FAM222B: variants seen among roughly 807,000 people sequenced by gnomAD.
FAM222B encodes protein FAM222B.
FAM222B carries 12 observed loss-of-function variants against 38.0 expected under a neutral mutation model. The observed-to-expected ratio is 0.32, with a 90% CI of 0.20 to 0.51. The LOEUF (loss-of-function observed/expected upper bound fraction) is 0.51. Among genes scored for constraint, FAM222B ranks in the 20% least tolerant of loss-of-function variants. FAM222B has a pLI of 0.97. For missense variants in FAM222B, 716 were observed against 754.2 expected (o/e 0.95, Z 0.59); for synonymous variants, 329 against 317.2 (o/e 1.04, Z -0.40).
chr17:28,781,959 A>C (rs2036184553), intron 1 of FAM222B, among the ~76,000 whole-genome samples: 2 of 152,140 alleles, frequency 1.3e-5, no homozygotes, highest in Admixed American at 1.3e-4. Flanking sequence ...AGTTAATAAC[A>C]ATGTTTTGTT....
chr17:28,829,733 G>A (rs1276745913), intron 1 of FAM222B, among the ~76,000 whole-genome samples: 1 of 152,118 alleles, frequency 6.6e-6, no homozygotes, highest in Non-Finnish European at 1.5e-5. Context: ...AGTCATTCAG[G>A]TTGTTTCCAG....
intron 1 of FAM222B, among the ~76,000 whole-genome samples, chr17:28,789,198 TC>T (rs1417719881): frequency 6.8e-6 from 1 of 147,784 alleles, no homozygotes; most frequent in Non-Finnish European, 1.5e-5. Flanking sequence ...TCATTCTGTG[TC>T]CTTTTTTTTT....
intron 1 of FAM222B, among the ~76,000 whole-genome samples, chr17:28,823,184 A>C (rs573807502): frequency 5.7e-4 from 87 of 152,006 alleles, no homozygotes; most frequent in Admixed American, 2.0e-3. Context: ...AAAATGATCA[A>C]ATGTTTCTTC....
intron 1 of FAM222B, among the ~76,000 whole-genome samples, chr17:28,791,411 T>G (rs1280768286): frequency 2.0e-5 from 3 of 152,020 alleles, no homozygotes; most frequent in Non-Finnish European, 2.9e-5. Flanking sequence ...AACTTCCAAT[T>G]TCTTCTCAAC....
At chr17:28,782,933 C>T (rs1380530702) in intron 1 of FAM222B, among the ~76,000 whole-genome samples, 1 of 151,918 alleles carries the variant, frequency 6.6e-6, no homozygotes, top group African/African-American at 2.4e-5. Context: ...GTCAGGAGAT[C>T]GAGACCATCC....
intron 1 of FAM222B, among the ~76,000 whole-genome samples, chr17:28,788,902 C>T (rs1257249185): frequency 1.3e-5 from 2 of 151,682 alleles, no homozygotes; most frequent in Non-Finnish European, 2.9e-5. Flanking sequence ...CCACCACACC[C>T]ACCTAATTTT....
At chr17:28,830,161 CTTTTTTTT>C (rs58480451) in intron 1 of FAM222B, among the ~76,000 whole-genome samples, 12 of 101,520 alleles carry the variant, frequency 1.2e-4, no homozygotes, top group Non-Finnish European at 1.1e-4. Context: ...TTTATACATT[CTTTTTTTT>C]TTTTTTTTTT....
intron 2 of FAM222B, among the ~76,000 whole-genome samples, chr17:28,760,695 C>G (rs997616886): frequency 1.3e-5 from 2 of 152,164 alleles, no homozygotes; most frequent in African/African-American, 4.8e-5. Flanking sequence ...GCCCTTCAGT[C>G]TAGAGGGTAC....
rs2034728617 is a variant in FAM222B, at chr17:28,756,985, T to C, written c.*1285A>G. ...CATCTTTAACAGAATGGTGCAAAAA[T>C]TTGTAACAAAACAGTCTAAGTTTAA... On this transcript the variant is annotated 3_prime_UTR_variant, in exon 3 of 3. Transcript: ENST00000581407. 1 of 152,418 alleles carries C rather than the reference T, an allele frequency of 6.6e-6. No individual in the cohort carries two copies. Among genetic ancestry groups the C allele is most frequent in the South Asian group, 2.1e-4 (1 of 4,834 alleles). The allele number at this position is 152,418 out of a possible 1,614,324, so 9.4% of individuals were successfully genotyped here.
rs966908668 is a variant in FAM222B, at chr17:28,758,428, T to G, written c.1531A>C (p.Met511Leu). 5 of 1,613,930 alleles carry G rather than the reference T, an allele frequency of 3.1e-6. No homozygotes were observed. Among genetic ancestry groups the G allele is most frequent in the East Asian group, 2.2e-5 (1 of 44,884 alleles). The change falls in exon 3 of 3, where the codon ATG becomes CTG. Residue 511 changes from methionine to leucine, a missense_variant. Physicochemically the swap from Met to Leu is conservative, Grantham distance 15. Coordinates refer to ENST00000581407, the MANE Select transcript of FAM222B (RefSeq NM_001077498.3). ...CCACTTAGGTAATCCACTGTTTGCATCAAGCTGTTCTGGCTTGCCACTGGA... is the reference window on the plus strand; with the variant it reads ...CCACTTAGGTAATCCACTGTTTGCAGCAAGCTGTTCTGGCTTGCCACTGGA... ...GGPVASQNSL[M>L]QTVDYLSGDF...
At chr17:28,798,085 C>T (rs1383977910) in intron 1 of FAM222B, among the ~76,000 whole-genome samples, 3 of 151,490 alleles carry the variant, frequency 2.0e-5, no homozygotes, top group African/African-American at 4.9e-5. Flanking sequence ...ATAAACGCTA[C>T]GAAAAAAATA....
chr17:28,826,681 CAAAA>C (rs58793747), intron 1 of FAM222B, among the ~76,000 whole-genome samples: 4 of 84,992 alleles, frequency 4.7e-5, no homozygotes, highest in African/African-American at 4.3e-5. Flanking sequence ...AACTCCGTCT[CAAAA>C]AAAAAAAAAA....
chr17:28,807,947 T>C (rs1004478427), intron 1 of FAM222B, among the ~76,000 whole-genome samples: 3 of 152,234 alleles, frequency 2.0e-5, no homozygotes, highest in African/African-American at 4.8e-5. Context: ...TTGAATGGTT[T>C]TGACAATCTC....
intron 1 of FAM222B, among the ~76,000 whole-genome samples, chr17:28,789,445 G>A (rs568549393): frequency 7.9e-5 from 12 of 152,150 alleles, no homozygotes; most frequent in African/African-American, 2.6e-4. Context: ...CACCTGCCTC[G>A]GCCCCCCAAA....
chr17:28,818,485 G>A (rs1401823060), intron 1 of FAM222B, among the ~76,000 whole-genome samples: 2 of 150,658 alleles, frequency 1.3e-5, no homozygotes, highest in East Asian at 1.9e-4. Context: ...CCGAGATCGC[G>A]CCACTGCACT....
chr17:28,781,594 G>A (rs570078784), intron 1 of FAM222B, among the ~76,000 whole-genome samples: 15 of 152,278 alleles, frequency 9.9e-5, no homozygotes, highest in African/African-American at 3.4e-4. Context: ...CATGTTAACT[G>A]CAGCATTATT....
rs757724870 is a variant in FAM222B at position 28,758,282 on chromosome 17, T to C, written c.1677A>G (p.Pro559=). 4 of 1,586,416 alleles carry C rather than the reference T, an allele frequency of 2.5e-6. No individual in the cohort carries two copies. The highest frequency in any genetic ancestry group is 2.3e-5 in the South Asian group (2 of 86,606). ...TESRSLHIQH[P]GYR is the part of the protein sequence containing the mutation. ...GCAGCAGGGCTACCTATCTATACCCTGGGTGCTGAATATGAAGACTTCGAC... is the reference window on the plus strand; with the variant it reads ...GCAGCAGGGCTACCTATCTATACCCCGGGTGCTGAATATGAAGACTTCGAC... Residue 559 remains proline, a synonymous_variant, in exon 3 of 3, where the codon CCA becomes CCG. Transcript: ENST00000581407.
chr17:28,778,344 G>A (rs1440332205), intron 1 of FAM222B, among the ~76,000 whole-genome samples: 1 of 151,860 alleles, frequency 6.6e-6, no homozygotes, highest in East Asian at 1.9e-4. Context: ...AGAACATGCG[G>A]TGTTTGGTTT....
intron 1 of FAM222B, among the ~76,000 whole-genome samples, chr17:28,794,941 A>T (rs2036866787): frequency 6.6e-6 from 1 of 151,968 alleles, no homozygotes; most frequent in African/African-American, 2.4e-5. Context: ...AAAAATACAA[A>T]AATTAGACAG....
Sources: allele counts gnomAD v4.1 joint callset (sites outside exome capture counted in the v4.1 genomes callset), GRCh38; gene constraint gnomAD v4.1.1; transcripts MANE v1.5; gene names NCBI Gene and HGNC (gene_info 2026-07-23, HGNC 2026-07-21).